Variants in MGP observed in about 807,000 individuals in gnomAD.
MGP encodes the protein cell growth-inhibiting gene 36 protein.
MGP carries 13 observed loss-of-function variants against 14.5 expected under a neutral mutation model. That is an observed-to-expected ratio of 0.89 (90% CI 0.58 to 1.42). The LOEUF (loss-of-function observed/expected upper bound fraction) is 1.42, where lower values mean the gene tolerates loss of function less well. MGP is among the 40% of genes most tolerant of loss of function. The probability of loss-of-function intolerance (pLI) is 0.00; values close to 1 mark genes in which losing one functional copy is unlikely to be tolerated. For missense variants in MGP, 128 were observed against 133.7 expected, an observed-to-expected ratio of 0.96 and a Z score of 0.21; for synonymous variants, 44 against 46.3, an observed-to-expected ratio of 0.95 and a Z score of 0.20.
At chr12:14,885,226 T>C (rs1264015104) in intron 1 of MGP, among the ~76,000 whole-genome samples, 1 of 152,242 alleles carries the variant, frequency 6.6e-6, no homozygotes, top group Non-Finnish European at 1.5e-5. Context: ...TGAAAATGAT[T>C]CTTTTCTAAA....
chr12:14,882,204 C>T lies in MGP; in HGVS notation c.247G>A (p.Ala83Thr), dbSNP rs200340021. Reference sequence around the variant, plus strand: ...GCAGCATTGTATCCATAAACCATGGCGTAGCGTTCGCAAAGTCTGTAGTCA... The same window carrying T: ...GCAGCATTGTATCCATAAACCATGGTGTAGCGTTCGCAAAGTCTGTAGTCA... ...CDDYRLCERYAMVYGYNAAYN... is the reference protein window; with the variant it reads ...CDDYRLCERYTMVYGYNAAYN... Residue 83 changes from alanine to threonine, a missense_variant, in exon 4 of 4, where the codon GCC becomes ACC. Coordinates refer to ENST00000539261, the MANE Select transcript of MGP (RefSeq NM_000900.5). The T allele has an allele frequency of 6.2e-6, 10 of 1,613,902 alleles. 1 individual carries two copies. Among genetic ancestry groups the T allele is most frequent in the South Asian group, 2.2e-5 (2 of 91,082 alleles).
In MGP at chr12:14,884,139, T is replaced by G; in HGVS notation, c.94+74A>C. Reference sequence around the variant, plus strand: ...TCCCTCCCTGTTATATATCTTTCCATCTTGTTTATTTAAAAATAAGAAGAG... The same window carrying G: ...TCCCTCCCTGTTATATATCTTTCCAGCTTGTTTATTTAAAAATAAGAAGAG... On this transcript the variant is annotated intron_variant, in intron 2 of 3. Coordinates refer to ENST00000539261, the MANE Select transcript of MGP (RefSeq NM_000900.5). The G allele has an allele frequency of 2.5e-6, 3 of 1,205,846 alleles. No individual in the cohort carries two copies. In the South Asian group the frequency reaches 4.2e-5, roughly 17 times the overall value. 74.7% of individuals were successfully genotyped at this position (1,205,846 alleles called of 1,614,324 possible).
intron 3 of MGP, among the ~76,000 whole-genome samples, chr12:14,882,717 T>C (rs1460241563): frequency 1.3e-5 from 2 of 150,464 alleles, no homozygotes; most frequent in Non-Finnish European, 3.0e-5. Context: ...CAGGAGATTT[T>C]TTTTTTTTTT....
At position 14,881,931 on chromosome 12, in the gene MGP, T is replaced by C; in HGVS notation, c.*208A>G. On this transcript the variant is annotated 3_prime_UTR_variant, in exon 4 of 4. Coordinates refer to ENST00000539261, the MANE Select transcript of MGP (RefSeq NM_000900.5). ...AGAAGTTTATTATGGAACAATCACA[T>C]ATGTTGACTCTCCTTTGACCCTCAC... The C allele has an allele frequency of 3.3e-6, 2 of 598,102 alleles. No homozygotes were observed. Among genetic ancestry groups the C allele is most frequent in the East Asian group, 2.9e-5 (1 of 34,404 alleles). The allele number at this position is 598,102 out of a possible 1,614,324, so 37.0% of individuals were successfully genotyped here. A position where few individuals can be genotyped will look rare whatever the true frequency, so the allele number is the denominator to read the frequency against.
In MGP at chr12:14,884,253, TAAAA is replaced by T. The variant is rs11393307; in HGVS notation, c.62-12_62-9del. ...CCATGCTTTCATGTGATTCTGAAAT[TAAAA>T]AAAAAAGATTCATTATATCAATATT... On this transcript the variant is annotated splice_polypyrimidine_tract_variant and intron_variant, in intron 1 of 3. Transcript: ENST00000539261. 7.3e-6 allele frequency: 9 copies of T among 1,240,348 alleles called. No individual in the cohort carries two copies. The East Asian group carries it at 1.6e-4, about 22-fold the overall frequency. The allele number at this position is 1,240,348 out of a possible 1,614,324, so 76.8% of individuals were successfully genotyped here.
intron 1 of MGP, among the ~76,000 whole-genome samples, chr12:14,884,525 C>T (rs1863417476): frequency 6.6e-6 from 1 of 152,038 alleles, no homozygotes; most frequent in Admixed American, 6.6e-5. Context: ...CTAAAATTTC[C>T]CAAGGGCTAT....
chr12:14,885,616 T>TCCCCC (rs1863429913), intron 1 of MGP, 115 bp downstream of exon 1: 5 of 798,512 alleles, frequency 6.3e-6, no homozygotes, highest in Non-Finnish European at 1.1e-5. Flanking sequence ...TAATGGTACT[T>TCCCCC]TAAGATTATA....
rs771141296 is a variant in MGP, at chr12:14,882,236, G to T, written c.215C>A (p.Ala72Asp). 1 of 1,613,988 alleles carries T rather than the reference G, an allele frequency of 6.2e-7. No homozygotes were observed. Among genetic ancestry groups the T allele is most frequent in the East Asian group, 2.2e-5 (1 of 44,904 alleles). Residue 72 changes from alanine (A) to aspartate (D), a missense_variant, in exon 4 of 4, where the codon GCC (alanine) becomes GAC (aspartate). By Grantham distance (126) the Ala-to-Asp change is moderately radical. Transcript: ENST00000539261. ...TTCGCAAAGTCTGTAGTCATCACAG[G>T]CTTCCCTATTGAGCTCGTGGACAGG... ...SKPVHELNRE[A>D]CDDYRLCERY...
intron 2 of MGP, chr12:14,883,659 C>T (rs1355365359): frequency 6.1e-6 from 1 of 162,996 alleles, no homozygotes; most frequent in Non-Finnish European, 1.3e-5. Context: ...ATTAGCCAGG[C>T]ATGATGTCAT....
At chr12:14,883,185 AG>A in intron 2 of MGP, 138 bp from the exon 3 acceptor site, 2 of 704,068 alleles carry the variant, frequency 2.8e-6, no homozygotes, top group Non-Finnish European at 5.2e-6. Flanking sequence ...CAAAAATTAA[AG>A]GAGAGTATAA....
chr12:14,884,714 G>T, intron 1 of MGP: 1 of 1,002,442 alleles, frequency 1.0e-6, no homozygotes, highest in Non-Finnish European at 1.4e-6. Context: ...GCTCTGCTGG[G>T]CTTACTAGGG....
Position 14,881,880 on chromosome 12 carries a change from G to T in MGP, c.*259C>A. On this transcript the variant is annotated 3_prime_UTR_variant, in exon 4 of 4. Coordinates refer to ENST00000539261, the MANE Select transcript of MGP (RefSeq NM_000900.5). ...CTCAATATCTTCCCAAAAGAAAGCA[G>T]ATTTACAAGATGAAAGTATCACACC... 2.1e-6 allele frequency: 1 copy of T among 482,536 alleles called. No homozygotes were observed. The highest frequency in any genetic ancestry group is 3.8e-6 in the Non-Finnish European group (1 of 265,398). 29.9% of individuals were successfully genotyped at this position (482,536 alleles called of 1,614,324 possible). A position where few individuals can be genotyped will look rare whatever the true frequency, so the allele number is the denominator to read the frequency against.
In MGP at chr12:14,885,754, A is replaced by G. The variant is rs771581073; in HGVS notation, c.38T>C (p.Leu13Ser). The change falls in exon 1 of 4, where the codon TTA (leucine) becomes TCA (serine). Residue 13 changes from leucine to serine, a missense_variant. Leu to Ser is a moderately radical substitution (Grantham distance 145). Coordinates refer to ENST00000539261, the MANE Select transcript of MGP (RefSeq NM_000900.5). Reference protein sequence around the residue: ...SLILLAILAALAVVTLCYESH... With the variant: ...SLILLAILAASAVVTLCYESH... ...ACCATAACACAAAGTTACTACCGCT[A>G]AGGCGGCCAGGATGGCAAGAAGGAT... 5 of 1,613,696 alleles carry G rather than the reference A, an allele frequency of 3.1e-6. No individual in the cohort carries two copies. Among genetic ancestry groups the G allele is most frequent in the Non-Finnish European group, 4.2e-6 (5 of 1,179,748 alleles).
rs111798215 is a variant in MGP, at chr12:14,885,730, C to T, written c.61+1G>A. ...AGAGAAATGGGAGAAAAGTTTCTCA[C>T]CATAACACAAAGTTACTACCGCTAA... is the stretch of plus-strand genomic sequence containing the variant. On this transcript the variant is annotated splice_donor_variant, in intron 1 of 3. Coordinates refer to ENST00000539261, the MANE Select transcript of MGP (RefSeq NM_000900.5). LOFTEE classifies it high-confidence loss of function. The T allele has an allele frequency of 1.9e-6, 3 of 1,613,138 alleles. No individual in the cohort carries two copies. The highest frequency in any genetic ancestry group is 2.5e-6 in the Non-Finnish European group (3 of 1,179,260).
intron 2 of MGP, 200 bp downstream of exon 2, chr12:14,884,013 C>T: frequency 2.4e-6 from 1 of 424,800 alleles, no homozygotes; most frequent in Non-Finnish European, 4.4e-6. Flanking sequence ...AGCTTAAATC[C>T]CATATTGCAC....
At chr12:14,884,463 A>G (rs1863417155) in intron 1 of MGP, among the ~76,000 whole-genome samples, 1 of 152,180 alleles carries the variant, frequency 6.6e-6, no homozygotes, top group Non-Finnish European at 1.5e-5. Flanking sequence ...TGCTGTGGAT[A>G]TCTCTATATT....
intron 2 of MGP, 165 bp downstream of exon 2, chr12:14,884,048 C>G: frequency 1.9e-6 from 1 of 537,550 alleles, no homozygotes; most frequent in South Asian, 2.8e-5. Flanking sequence ...AAAATTGCTC[C>G]TTTGGCAATT....
In MGP at chr12:14,882,163, G is replaced by A; in HGVS notation, c.288C>T (p.Phe96=). The A allele has an allele frequency of 6.2e-7, 1 of 1,614,036 alleles. No individual in the cohort carries two copies. The change falls in exon 4 of 4, where the codon TTC becomes TTT. Residue 96 remains phenylalanine, a synonymous_variant. Coordinates refer to ENST00000539261, the MANE Select transcript of MGP (RefSeq NM_000900.5). ...YGYNAAYNRY[F]RKRRGTK ...CTCATTTGGTCCCTCGGCGCTTCCT[G>A]AAGTAGCGATTATAGGCAGCATTGT...
intron 1 of MGP, chr12:14,884,888 C>G (rs761418449): frequency 6.5e-7 from 1 of 1,533,782 alleles, no homozygotes; most frequent in Non-Finnish European, 8.7e-7. Context: ...TGCCACTCTC[C>G]TGAGCACAGC....
Sources: allele counts gnomAD v4.1 joint callset (sites outside exome capture counted in the v4.1 genomes callset), GRCh38; gene constraint gnomAD v4.1.1; transcripts MANE v1.5; gene names NCBI Gene and HGNC (gene_info 2026-07-23, HGNC 2026-07-21).